MED13L: variants seen among roughly 807,000 people sequenced by gnomAD.
MED13L encodes the protein mediator of RNA polymerase II transcription subunit 13-like.
A neutral mutation model predicts 220.9 loss-of-function variants in MED13L; 7 were observed. The ratio of observed to expected loss-of-function variants is 0.03; its 90% CI spans 0.02 to 0.06. The LOEUF (loss-of-function observed/expected upper bound fraction) is 0.06. Ranked by LOEUF, MED13L falls within the 10% of genes least tolerant of loss-of-function variation. The probability of loss-of-function intolerance (pLI) is 1.00; values close to 1 mark genes in which losing one functional copy is unlikely to be tolerated. For missense variants in MED13L, 1,965 were observed against 2,760.5 expected (o/e 0.71, Z 6.46); for synonymous variants, 1,011 against 1,015.2 (o/e 1.00, Z 0.08).
intron 17 of MED13L, among the ~76,000 whole-genome samples, chr12:115,990,592 G>A (rs966079621): frequency 9.2e-5 from 14 of 152,186 alleles, no homozygotes; most frequent in African/African-American, 3.4e-4. Context: ...TACAACAAAG[G>A]GGGAAAACAG....
chr12:116,030,274 T>C (rs1880657736), intron 4 of MED13L, among the ~76,000 whole-genome samples: 1 of 152,104 alleles, frequency 6.6e-6, no homozygotes, highest in East Asian at 1.9e-4. Flanking sequence ...TAGTTAGAAA[T>C]CAACAGTTTT....
At chr12:116,159,588 T>A (rs1878706033) in intron 2 of MED13L, among the ~76,000 whole-genome samples, 2 of 152,324 alleles carry the variant, frequency 1.3e-5, no homozygotes, top group East Asian at 3.9e-4. Context: ...ACATTTTAAT[T>A]GAATTTTAGA....
At chr12:116,260,011 C>A (rs572812560) in intron 1 of MED13L, among the ~76,000 whole-genome samples, 1 of 152,224 alleles carries the variant, frequency 6.6e-6, no homozygotes, top group Non-Finnish European at 1.5e-5. Context: ...TTAACAAGAA[C>A]AGAAGAAGAA....
chr12:115,993,414 C>T (rs765684963), intron 16 of MED13L, among the ~76,000 whole-genome samples: 1 of 152,094 alleles, frequency 6.6e-6, no homozygotes, highest in Admixed American at 6.5e-5. Context: ...GAAAGAAGCA[C>T]GTCATAAAGA....
intron 4 of MED13L, among the ~76,000 whole-genome samples, chr12:116,079,630 G>A (rs1272239191): frequency 2.0e-5 from 3 of 151,736 alleles, no homozygotes; most frequent in Admixed American, 6.6e-5. Context: ...CCTTGACCTC[G>A]TGGGCTCAAG....
chr12:116,027,894 T>G (rs1880498895), intron 4 of MED13L, among the ~76,000 whole-genome samples: 1 of 152,198 alleles, frequency 6.6e-6, no homozygotes, highest in African/African-American at 2.4e-5. Flanking sequence ...CTAAAGAGAA[T>G]AATCAAAAAG....
intron 23 of MED13L, among the ~76,000 whole-genome samples, chr12:115,977,967 C>T (rs1404941371): frequency 6.6e-6 from 1 of 152,044 alleles, no homozygotes; most frequent in African/African-American, 2.4e-5. Context: ...CTGCACACCA[C>T]CCTGGGTGAC....
chr12:116,016,983 T>C (rs1879764048), intron 7 of MED13L, among the ~76,000 whole-genome samples: 1 of 152,184 alleles, frequency 6.6e-6, no homozygotes, highest in Admixed American at 6.5e-5. Context: ...CTACAGAATG[T>C]CAAGGCTGAC....
intron 2 of MED13L, among the ~76,000 whole-genome samples, chr12:116,135,906 T>C (rs1593085441): frequency 1.3e-5 from 2 of 149,378 alleles, no homozygotes; most frequent in Admixed American, 1.3e-4. Flanking sequence ...AGATTCCCTT[T>C]TTTTTTTTTT....
intron 2 of MED13L, among the ~76,000 whole-genome samples, chr12:116,119,841 ATATATAT>A (rs1874877610): frequency 9.2e-6 from 1 of 108,188 alleles, no homozygotes; most frequent in African/African-American, 3.5e-5. Context: ...AAAAAAAAAT[ATATATAT>A]ATATATATAT....
chr12:116,058,961 C>T (rs1484471758), intron 4 of MED13L, among the ~76,000 whole-genome samples: 10 of 152,178 alleles, frequency 6.6e-5, no homozygotes, highest in African/African-American at 2.4e-4. Context: ...CAATAAGATA[C>T]TGTGCTTAAG....
intron 1 of MED13L, among the ~76,000 whole-genome samples, chr12:116,253,843 T>A (rs1871799822): frequency 6.9e-6 from 1 of 144,682 alleles, no homozygotes; most frequent in Non-Finnish European, 1.5e-5. Context: ...TGCTGCAACC[T>A]TTGCCTCCTG....
At chr12:115,975,041 TA>T in intron 25 of MED13L, 129 bp downstream of exon 25, 1 of 993,946 alleles carries the variant, frequency 1.0e-6, no homozygotes. Flanking sequence ...CCTGTACATA[TA>T]AAAGAATCAT....
intron 2 of MED13L, chr12:116,232,263 A>AAT: frequency 3.1e-5 from 8 of 254,218 alleles, no homozygotes; most frequent in Non-Finnish European, 5.0e-5. Context: ...AAGACTTCTG[A>AAT]TACTGTTATA....
intron 19 of MED13L, among the ~76,000 whole-genome samples, chr12:115,985,860 G>A (rs1343185175): frequency 6.6e-6 from 1 of 152,064 alleles, no homozygotes; most frequent in Non-Finnish European, 1.5e-5. Flanking sequence ...CTGTTGTCAG[G>A]AACTCTCACC....
intron 1 of MED13L, among the ~76,000 whole-genome samples, chr12:116,259,829 G>A (rs1299365043): frequency 1.3e-5 from 2 of 152,174 alleles, no homozygotes; most frequent in African/African-American, 2.4e-5. Context: ...CTTCCATACT[G>A]TTTGAAGCTC....
intron 3 of MED13L, among the ~76,000 whole-genome samples, chr12:116,107,571 C>G (rs1873691733): frequency 6.6e-6 from 1 of 152,264 alleles, no homozygotes; most frequent in East Asian, 1.9e-4. Context: ...GAAATTGCAG[C>G]CTTTTGGAAA....
chr12:116,019,732 A>G (rs1160711913), intron 6 of MED13L, 46 bp downstream of exon 6: 1 of 1,546,446 alleles, frequency 6.5e-7, no homozygotes, highest in East Asian at 2.2e-5. Flanking sequence ...TAAATTAAGG[A>G]AGAGGAAGAA....
intron 4 of MED13L, among the ~76,000 whole-genome samples, chr12:116,024,507 C>T (rs1880249848): frequency 6.6e-6 from 1 of 152,078 alleles, no homozygotes; most frequent in Non-Finnish European, 1.5e-5. Flanking sequence ...ACTTGAGTTC[C>T]TTAGATATTC....
Sources: gnomAD v4.1 joint callset for allele counts (sites outside exome capture counted in the v4.1 genomes callset) on GRCh38, gnomAD v4.1.1 for gene constraint, MANE v1.5 for transcripts, NCBI Gene and HGNC (gene_info 2026-07-23, HGNC 2026-07-21) for gene names.